Variants in SGSH observed in about 807,000 individuals in gnomAD.
SGSH encodes the protein N-sulfoglucosamine sulfohydrolase.
A neutral mutation model predicts 51.0 loss-of-function variants in SGSH; 48 were observed. The ratio of observed to expected loss-of-function variants is 0.94; its 90% CI spans 0.75 to 1.20. The LOEUF (loss-of-function observed/expected upper bound fraction) is 1.20. Among genes scored for constraint, SGSH ranks in the 50% most tolerant of loss-of-function variants. The probability of loss-of-function intolerance (pLI) is 0.00; values close to 1 mark genes in which losing one functional copy is unlikely to be tolerated. For missense variants in SGSH, 662 were observed against 717.8 expected (o/e 0.92, Z 0.89); for synonymous variants, 321 against 313.4 (o/e 1.02, Z -0.26).
At position 80,213,642 on chromosome 17, in the gene SGSH, C is replaced by T; in HGVS notation, c.745+162G>A. The T allele has an allele frequency of 1.4e-6, 1 of 696,368 alleles. No homozygotes were observed. Among genetic ancestry groups the T allele is most frequent in the South Asian group, 1.7e-5 (1 of 57,932 alleles). 43.1% of individuals were successfully genotyped at this position (696,368 alleles called of 1,614,324 possible). ...GCCCCGGGGTTGGGTCCTGATGCCA[C>T]CCACAGGCCCCTCCTCTCAATGTGG... On this transcript the variant is annotated intron_variant, in intron 6 of 7. Coordinates refer to ENST00000326317, the MANE Select transcript of SGSH (RefSeq NM_000199.5). This position sits in a 1 kb window ranked among gnomAD's most constrained non-coding sequence, Gnocchi z 4.6.
chr17:80,216,343 C>T (rs1467112402), intron 2 of SGSH, among the ~76,000 whole-genome samples: 1 of 151,770 alleles, frequency 6.6e-6, no homozygotes, highest in Admixed American at 6.6e-5. Flanking sequence ...AAAAAAAGGA[C>T]TAGTCCTGTG....
intron 1 of SGSH, among the ~76,000 whole-genome samples, chr17:80,219,076 C>A (rs2042013016): frequency 7.5e-6 from 1 of 132,600 alleles, no homozygotes; most frequent in Non-Finnish European, 1.5e-5. Flanking sequence ...AGGAGGATCG[C>A]TTGAGCCTGG....
At chr17:80,214,057 T>C (rs558702724) in intron 5 of SGSH, 115 bp downstream of exon 5, 41 of 1,420,040 alleles carry the variant, frequency 2.9e-5, no homozygotes, top group East Asian at 2.5e-4. Context: ...CTGAATCCGA[T>C]TTGGTCAGAG....
chr17:80,206,020 G>C (rs182902621), downstream of SGSH: 9 of 182,656 alleles, frequency 4.9e-5, no homozygotes, highest in East Asian at 9.7e-4. Context: ...ACGGGAAGCC[G>C]AGTCTGGCAT....
downstream of SGSH, chr17:80,201,933 C>A: frequency 2.0e-6 from 3 of 1,534,328 alleles, no homozygotes; most frequent in Non-Finnish European, 2.6e-6. The surrounding 1 kb of genome is among the most constrained non-coding windows in gnomAD (Gnocchi z 5.0). Context: ...CCTTAAGTCC[C>A]TGGTGGTTCT....
chr17:80,219,478 C>T (rs968794115), intron 1 of SGSH, among the ~76,000 whole-genome samples: 3 of 152,232 alleles, frequency 2.0e-5, no homozygotes, highest in African/African-American at 7.2e-5. Context: ...AGGGTCCATG[C>T]AGATTCTCTG....
chr17:80,210,036 G>A lies in SGSH; in HGVS notation c.*416C>T. The A allele has an allele frequency of 9.1e-7, 1 of 1,099,950 alleles. No individual in the cohort carries two copies. The highest frequency in any genetic ancestry group is 4.7e-5 in the Admixed American group (1 of 21,502). The allele number at this position is 1,099,950 out of a possible 1,614,324, so 68.1% of individuals were successfully genotyped here. On this transcript the variant is annotated 3_prime_UTR_variant, in exon 8 of 8. Transcript: ENST00000326317. ...CCTGCTCTCTGTGAAGGGTTCAGAAGTATCTGTGGCTGCCAAAGCCTGAAG... is the reference window on the plus strand; with the variant it reads ...CCTGCTCTCTGTGAAGGGTTCAGAAATATCTGTGGCTGCCAAAGCCTGAAG...
At position 80,214,882 on chromosome 17, in the gene SGSH, C is replaced by A. The variant is rs2041829477; in HGVS notation, c.356-117G>T. On this transcript the variant is annotated intron_variant, in intron 3 of 7. Transcript: ENST00000326317. ...GGGTTCTCGTGGACACACAGCCCAG[C>A]CAGGAGACCCAGGCCCAGATCCTTT... 6 of 1,333,106 alleles carry A rather than the reference C, an allele frequency of 4.5e-6. No individual in the cohort carries two copies. In the South Asian group the frequency reaches 6.0e-5, roughly 13 times the overall value. 82.6% of individuals were successfully genotyped at this position (1,333,106 alleles called of 1,614,324 possible).
chr17:80,210,413 G>A lies in SGSH; in HGVS notation c.*39C>T. ...CACGGACACGTGTGGGATGTGTCTGGGACATGCCTGGGATGTGTGCACAGG... is the reference window on the plus strand; with the variant it reads ...CACGGACACGTGTGGGATGTGTCTGAGACATGCCTGGGATGTGTGCACAGG... On this transcript the variant is annotated 3_prime_UTR_variant, in exon 8 of 8. Coordinates refer to ENST00000326317, the MANE Select transcript of SGSH (RefSeq NM_000199.5). 1 of 1,551,972 alleles carries A rather than the reference G, an allele frequency of 6.4e-7. No homozygotes were observed. The highest frequency in any genetic ancestry group is 1.3e-5 in the African/African-American group (1 of 74,078).
rs753795068 is a variant in SGSH, at chr17:80,217,112, T to C, written c.169A>G (p.Ser57Gly). The C allele has an allele frequency of 7.2e-5, 115 of 1,602,948 alleles. No homozygotes were observed. Among genetic ancestry groups the C allele is most frequent in the Admixed American group, 1.7e-5 (1 of 57,990 alleles). The change falls in exon 2 of 8, where the codon AGC becomes GGC. Residue 57 changes from serine to glycine, a missense_variant. By Grantham distance (56) the Ser-to-Gly change is moderately conservative. Coordinates refer to ENST00000326317, the MANE Select transcript of SGSH (RefSeq NM_000199.5). ...GTGAAGGCATTGCGAAAGAGGAGGC[T>C]GCGGCGGGCCAAGGCGTCCAGGTGC... is the stretch of plus-strand genomic sequence containing the variant. ...TPHLDALARR[S>G]LLFRNAFTSV...
chr17:80,219,829 G>C (rs2042069817), intron 1 of SGSH: 1 of 185,586 alleles, frequency 5.4e-6, no homozygotes. Context: ...ACAGGCTCTG[G>C]GGTCGGAAAT....
In SGSH at chr17:80,215,074, C is replaced by G; in HGVS notation, c.314G>C (p.Arg105Pro). 2 of 1,612,206 alleles carry G rather than the reference C, an allele frequency of 1.2e-6. No homozygotes were observed. The highest frequency in any genetic ancestry group is 1.7e-6 in the Non-Finnish European group (2 of 1,179,924). ...TTGGCTGAGCAGCAGCGGCAGGCTCCGCACCTTGTCGAAGGAGTTGAAGTG... is the reference window on the plus strand; with the variant it reads ...TTGGCTGAGCAGCAGCGGCAGGCTCGGCACCTTGTCGAAGGAGTTGAAGTG... ...VHHFNSFDKV[R>P]SLPLLLSQAG... is the part of the protein sequence containing the mutation. Residue 105 changes from arginine to proline, a missense_variant, in exon 3 of 8, where the codon CGG (arginine) becomes CCG (proline). Arg to Pro is a moderately radical substitution (Grantham distance 103, BLOSUM62 -2). Transcript: ENST00000326317.
At chr17:80,205,512 C>T (rs185914788), downstream of SGSH, 25 of 1,578,880 alleles carry the variant, frequency 1.6e-5, no homozygotes, top group South Asian at 2.3e-5. Context: ...ATGATGGCCC[C>T]GTCCAATGTC....
rs571260667 is a variant in SGSH, at chr17:80,212,454, G to A, written c.746-180C>T. ...TCTTGCCCAGCTCTTGCCCAGCTCCGCCCAGCTCCCATTCCCTGAGCAGGC... is the reference window on the plus strand; with the variant it reads ...TCTTGCCCAGCTCTTGCCCAGCTCCACCCAGCTCCCATTCCCTGAGCAGGC... On this transcript the variant is annotated intron_variant, in intron 6 of 7. Transcript: ENST00000326317. This position sits in a 1 kb window ranked among gnomAD's most constrained non-coding sequence, Gnocchi z 5.9. 163 of 661,198 alleles carry A rather than the reference G, an allele frequency of 2.5e-4. 2 individuals are homozygous for A. Among genetic ancestry groups the A allele is most frequent in the South Asian group, 2.4e-3 (144 of 59,614 alleles). The allele number at this position is 661,198 out of a possible 1,614,324, so 41.0% of individuals were successfully genotyped here.
intron 1 of SGSH, among the ~76,000 whole-genome samples, chr17:80,218,792 G>A (rs995386073): frequency 1.3e-5 from 2 of 152,216 alleles, no homozygotes; most frequent in Non-Finnish European, 2.9e-5. Flanking sequence ...TGTATCTGGA[G>A]ACAGGGTCCT....
downstream of SGSH, chr17:80,208,112 GCCCC>G (rs750926227): frequency 1.6e-6 from 2 of 1,217,476 alleles, no homozygotes; most frequent in Admixed American, 2.2e-5. Flanking sequence ...CCCTGAGCCC[GCCCC>G]CCCCAACTCT....
At chr17:80,205,945 C>G, downstream of SGSH, 2 of 269,680 alleles carry the variant, frequency 7.4e-6, no homozygotes, top group Non-Finnish European at 1.4e-5. Context: ...ACACTCTCCA[C>G]GTTTGAAGGC....
At chr17:80,217,283 A>G (rs2144784649) in intron 1 of SGSH, 91 bp from the exon 2 acceptor site, 1 of 1,447,880 alleles carries the variant, frequency 6.9e-7, no homozygotes, top group Non-Finnish European at 9.4e-7. Context: ...GTGATGCCAG[A>G]AGGCGAGACA....
In SGSH at chr17:80,210,449, T is replaced by C. The variant is rs745738178; in HGVS notation, c.*3A>G. On this transcript the variant is annotated 3_prime_UTR_variant, in exon 8 of 8. Coordinates refer to ENST00000326317, the MANE Select transcript of SGSH (RefSeq NM_000199.5). ...GGATGTGTGCACAGGCCTCCTGGGA[T>C]GGTCACAGCTCATTGTGGAGGGGCT... 6.3e-6 allele frequency: 10 copies of C among 1,590,282 alleles called. No individual in the cohort carries two copies. Among genetic ancestry groups the C allele is most frequent in the Non-Finnish European group, 7.7e-6 (9 of 1,173,600 alleles).
Sources: gnomAD v4.1 joint callset for allele counts (sites outside exome capture counted in the v4.1 genomes callset) on GRCh38, gnomAD v4.1.1 for gene constraint, Gnocchi (gnomAD v3.1) non-coding constraint, MANE v1.5 for transcripts, NCBI Gene and HGNC (gene_info 2026-07-23, HGNC 2026-07-21) for gene names.